VWA3B: variants seen among roughly 807,000 people sequenced by gnomAD.
VWA3B encodes the protein von Willebrand factor A domain containing 3B.
In VWA3B, 138 loss-of-function variants were observed where a neutral mutation model predicts 158.3. That is an observed-to-expected ratio of 0.87 (90% CI 0.76 to 1.00). The LOEUF is 1.00. Ranked by LOEUF, VWA3B falls within the 50% of genes least tolerant of loss-of-function variation. The probability of loss-of-function intolerance (pLI) is 0.00; values close to 1 mark genes in which losing one functional copy is unlikely to be tolerated. For missense variants in VWA3B, 1,555 were observed against 1,565.1 expected, an observed-to-expected ratio of 0.99 and a Z score of 0.11; for synonymous variants, 596 against 587.3, an observed-to-expected ratio of 1.01 and a Z score of -0.21.
intron 7 of VWA3B, among the ~76,000 whole-genome samples, chr2:98,137,643 T>C (rs896683216): frequency 8.5e-5 from 13 of 152,186 alleles, no homozygotes; most frequent in African/African-American, 3.1e-4. Context: ...AGTTTAAAGA[T>C]ATTGAACAAT....
At chr2:98,092,415 C>A (rs866632984) in intron 1 of VWA3B, among the ~76,000 whole-genome samples, 1 of 152,288 alleles carries the variant, frequency 6.6e-6, no homozygotes, top group Middle Eastern at 3.4e-3. Flanking sequence ...GAGGCCAAGG[C>A]GGGCGGATCA....
At chr2:98,223,161 T>C (rs1260964943) in intron 14 of VWA3B, among the ~76,000 whole-genome samples, 3 of 152,130 alleles carry the variant, frequency 2.0e-5, no homozygotes, top group Non-Finnish European at 4.4e-5. Flanking sequence ...AAGTGGAACT[T>C]TGAGAACTGA....
chr2:98,116,777 C>A (rs1172435686), intron 3 of VWA3B, among the ~76,000 whole-genome samples: 1 of 152,204 alleles, frequency 6.6e-6, no homozygotes, highest in Non-Finnish European at 1.5e-5. Context: ...TCTGCCTTGG[C>A]CTCAACCTCA....
At chr2:98,163,110 G>C (rs1161416882) in intron 8 of VWA3B, 134 bp downstream of exon 8, 26 of 1,406,576 alleles carry the variant, frequency 1.8e-5, no homozygotes, top group Non-Finnish European at 2.1e-5. Flanking sequence ...AGAGCAGCCA[G>C]AGCTGTGTGG....
chr2:98,229,993 T>A, intron 15 of VWA3B, 57 bp from the exon 16 acceptor site: 1 of 1,512,166 alleles, frequency 6.6e-7, no homozygotes, highest in Non-Finnish European at 8.8e-7. Context: ...GCCTTCTTGA[T>A]GGAAATTTTC....
At chr2:98,204,604 T>G (rs1682857953) in intron 12 of VWA3B, among the ~76,000 whole-genome samples, 1 of 152,244 alleles carries the variant, frequency 6.6e-6, no homozygotes, top group Non-Finnish European at 1.5e-5. Context: ...TTTGTTGGAT[T>G]AAATTTGCTA....
At chr2:98,245,169 G>C (rs964472290) in intron 19 of VWA3B, among the ~76,000 whole-genome samples, 3 of 152,062 alleles carry the variant, frequency 2.0e-5, no homozygotes, top group Admixed American at 6.5e-5. Context: ...TCGTTAGCCA[G>C]TTATGCTTGA....
intron 7 of VWA3B, among the ~76,000 whole-genome samples, chr2:98,162,017 T>C (rs1678634819): frequency 6.6e-6 from 1 of 152,194 alleles, no homozygotes; most frequent in African/African-American, 2.4e-5. Flanking sequence ...CCTGCCCATC[T>C]ATTCTTTACC....
chr2:98,179,798 C>CTTTCTTTCTTTCTTTCTTTCTTTCTT (rs1558641171), intron 8 of VWA3B, among the ~76,000 whole-genome samples: 12 of 114,970 alleles, frequency 1.0e-4, no homozygotes, highest in Admixed American at 5.2e-4. Flanking sequence ...TTCTTTCTTT[C>CTTTCTTTCTTTCTTTCTTTCTTTCTT]TTTCTTTCTT....
intron 8 of VWA3B, among the ~76,000 whole-genome samples, chr2:98,180,228 T>C (rs1680445481): frequency 6.6e-6 from 1 of 151,512 alleles, no homozygotes; most frequent in Non-Finnish European, 1.5e-5. Flanking sequence ...GGAGTCTTGC[T>C]CTCTTGCCCA....
chr2:98,173,110 T>C (rs1235649346), intron 8 of VWA3B, among the ~76,000 whole-genome samples: 1 of 152,356 alleles, frequency 6.6e-6, no homozygotes, highest in East Asian at 1.9e-4. Flanking sequence ...CAGAACAAGC[T>C]AATTTACAGA....
rs374190500 is a variant in VWA3B at position 98,093,873 on chromosome 2, CAT to C, written c.196+586_196+587del. On this transcript the variant is annotated intron_variant, in intron 2 of 27. Transcript: ENST00000477737. ...ATGAGATAAACTTTTTAAAATTCCA[CAT>C]GAGTGAGGTTATGTGGTGTTTGTCT... Among the ~76,000 whole-genome samples the C allele has an allele frequency of 2.6e-4, 39 of 152,274 alleles. No homozygotes were observed. The East Asian group carries it at 5.2e-3, about 20-fold the overall frequency.
intron 20 of VWA3B, 127 bp from the exon 21 acceptor site, chr2:98,255,997 C>A: frequency 1.0e-6 from 1 of 988,480 alleles, no homozygotes; most frequent in South Asian, 1.5e-5. Context: ...TCTTTAAGCA[C>A]ATGACAGTGG....
chr2:98,178,863 A>G (rs1239005140), intron 8 of VWA3B, among the ~76,000 whole-genome samples: 1 of 152,200 alleles, frequency 6.6e-6, no homozygotes, highest in African/African-American at 2.4e-5. Context: ...ACAAAACTCT[A>G]TAGCGCTGGT....
At chr2:98,176,970 T>C (rs758758203) in intron 8 of VWA3B, among the ~76,000 whole-genome samples, 3 of 152,064 alleles carry the variant, frequency 2.0e-5, no homozygotes, top group Non-Finnish European at 2.9e-5. Context: ...GGGGCTAGCG[T>C]GGCAGGAATG....
chr2:98,259,107 GCATAAATCCTACTTAGT>G (rs1346640501), intron 21 of VWA3B, among the ~76,000 whole-genome samples: 1 of 151,610 alleles, frequency 6.6e-6, no homozygotes, highest in Non-Finnish European at 1.5e-5. Flanking sequence ...TGCATTTCTG[GCATAAATCCTACTTAGT>G]CATGGTGTAT....
At chr2:98,308,914 G>A (rs1216227538) in intron 26 of VWA3B, among the ~76,000 whole-genome samples, 3 of 152,186 alleles carry the variant, frequency 2.0e-5, no homozygotes, top group African/African-American at 4.8e-5. Flanking sequence ...GCTCATGCCT[G>A]TAACCCTAGC....
Position 98,252,457 on chromosome 2 carries a change from G to A in VWA3B, c.2792+2021G>A, listed in dbSNP as rs1202806589. 8.5e-5 allele frequency among the ~76,000 whole-genome samples: 13 copies of A among 152,168 alleles called. No individual in the cohort carries two copies. The East Asian group carries it at 2.3e-3, about 27-fold the overall frequency. On this transcript the variant is annotated intron_variant, in intron 20 of 27. Transcript: ENST00000477737. Reference sequence around the variant, plus strand: ...CCGGCCTGTGAAAGCCTGATGCAGGGCCACGAGCTAGATAGAGCTTCGTGG... The same window carrying A: ...CCGGCCTGTGAAAGCCTGATGCAGGACCACGAGCTAGATAGAGCTTCGTGG...
rs187742902 is a variant in VWA3B at position 98,225,961 on chromosome 2, C to T, written c.2020-2241C>T. 6.9e-4 allele frequency among the ~76,000 whole-genome samples: 105 copies of T among 152,334 alleles called. No homozygotes were observed. The East Asian group carries it at 0.013, about 19-fold the overall frequency. ...ATCTAAATAAATGGAAAGATATGTC[C>T]TGTTCACGGATTGAACGACTTAACA... On this transcript the variant is annotated intron_variant, in intron 14 of 27. Coordinates refer to ENST00000477737, the MANE Select transcript of VWA3B (RefSeq NM_144992.5).
Sources: gnomAD v4.1 joint callset for allele counts (sites outside exome capture counted in the v4.1 genomes callset) on GRCh38, gnomAD v4.1.1 for gene constraint, MANE v1.5 for transcripts, NCBI Gene and HGNC (gene_info 2026-07-23, HGNC 2026-07-21) for gene names.